DYRK4: variants seen among roughly 807,000 people sequenced by gnomAD.
DYRK4 encodes dual specificity tyrosine phosphorylation regulated kinase 4, also known as dual specificity tyrosine-phosphorylation-regulated kinase 4.
DYRK4 carries 64 observed loss-of-function variants against 68.3 expected under a neutral mutation model. The observed-to-expected ratio is 0.94, with a 90% CI of 0.77 to 1.15. The LOEUF is 1.15. Ranked by LOEUF, DYRK4 falls within the 50% of genes most tolerant of loss-of-function variation. DYRK4 has a pLI of 0.00. For missense variants in DYRK4, 740 were observed against 764.7 expected, an observed-to-expected ratio of 0.97 and a Z score of 0.38; for synonymous variants, 274 against 289.9, an observed-to-expected ratio of 0.95 and a Z score of 0.56.
chr12:4,611,438 C>T (rs1945219803), intron 13 of DYRK4, among the ~76,000 whole-genome samples: 1 of 152,206 alleles, frequency 6.6e-6, no homozygotes, highest in African/African-American at 2.4e-5. Context: ...ACTGATTACT[C>T]ATAACTTGCA....
chr12:4,570,535 G>A (rs182151953), intron 2 of DYRK4, among the ~76,000 whole-genome samples: 318 of 152,274 alleles, frequency 2.1e-3, no homozygotes, highest in Non-Finnish European at 3.7e-3. Context: ...GTGGACAGTT[G>A]TGATACTAAT....
intron 7 of DYRK4, 71 bp downstream of exon 7, chr12:4,596,356 C>G (rs1484458165): frequency 1.3e-6 from 2 of 1,598,402 alleles, no homozygotes; most frequent in East Asian, 4.5e-5. Context: ...AATGCCAGCC[C>G]TTCCTGACTG....
chr12:4,598,912 C>T, intron 8 of DYRK4, 116 bp from the exon 9 acceptor site: 2 of 1,224,168 alleles, frequency 1.6e-6, no homozygotes, highest in Non-Finnish European at 2.3e-6. Flanking sequence ...GCCTCCTGGC[C>T]TGAGGCTTGC....
At chr12:4,583,907 T>C (rs1310495731) in intron 2 of DYRK4, among the ~76,000 whole-genome samples, 1 of 152,164 alleles carries the variant, frequency 6.6e-6, no homozygotes, top group Non-Finnish European at 1.5e-5. Context: ...AATGATGGCA[T>C]GGACACTGAC....
chr12:4,596,589 G>A lies in DYRK4; in HGVS notation c.765G>A (p.Arg255=), dbSNP rs772561161. The A allele has an allele frequency of 5.6e-6, 9 of 1,613,498 alleles. No homozygotes were observed. The highest frequency in any genetic ancestry group is 1.3e-5 in the African/African-American group (1 of 74,934). The change falls in exon 8 of 15, where the codon AGG becomes AGA. Residue 255 remains arginine (R), a splice_region_variant and synonymous_variant. Coordinates refer to ENST00000543431, the MANE Select transcript of DYRK4 (RefSeq NM_001394779.1). ...TGCCGGCCACTCCCAATCACCTTAG[G>A]TTTCACCAGCAGGCCCTGATGGAGC... ...VALKIIRNKK[R]FHQQALMELK...
intron 8 of DYRK4, among the ~76,000 whole-genome samples, chr12:4,598,027 C>T (rs1180948060): frequency 6.6e-6 from 1 of 152,210 alleles, no homozygotes; most frequent in Non-Finnish European, 1.5e-5. Context: ...GATTGTGCCA[C>T]TGCACTCCAG....
At chr12:4,577,007 G>A (rs1944796197) in intron 2 of DYRK4, among the ~76,000 whole-genome samples, 1 of 152,096 alleles carries the variant, frequency 6.6e-6, no homozygotes, top group South Asian at 2.1e-4. Flanking sequence ...TAATTTTAAT[G>A]AAGCCCAGCG....
At chr12:4,566,250 TC>T (rs1392532346) in intron 1 of DYRK4, among the ~76,000 whole-genome samples, 1 of 152,198 alleles carries the variant, frequency 6.6e-6, no homozygotes, top group African/African-American at 2.4e-5. Context: ...AATCTGATCT[TC>T]AGCCCAGGTT....
chr12:4,599,804 G>A lies in DYRK4; in HGVS notation c.1126+16G>A, dbSNP rs762213242. On this transcript the variant is annotated intron_variant, in intron 10 of 14. Transcript: ENST00000543431. The stretch of plus-strand genomic sequence containing the variant: ...CACCAGAAAGGTGAGCCCCATGTCA[G>A]TCCCATCATCTGAGTTTTCCTATTG... 1.2e-6 allele frequency: 2 copies of A among 1,608,914 alleles called. No individual in the cohort carries two copies. Among genetic ancestry groups the A allele is most frequent in the Non-Finnish European group, 1.7e-6 (2 of 1,176,450 alleles).
chr12:4,585,368 C>T (rs1944885924), intron 2 of DYRK4, among the ~76,000 whole-genome samples: 1 of 151,914 alleles, frequency 6.6e-6, no homozygotes, highest in Non-Finnish European at 1.5e-5. Context: ...TTGCCTTCTC[C>T]TCCCTTGCAT....
At position 4,562,291 on chromosome 12, in the gene DYRK4, C is replaced by G; in HGVS notation, c.38+8C>G. 1 of 1,531,972 alleles carries G rather than the reference C, an allele frequency of 6.5e-7. No individual in the cohort carries two copies. Among genetic ancestry groups the G allele is most frequent in the Non-Finnish European group, 8.7e-7 (1 of 1,145,052 alleles). The allele number at this position is 1,531,972 out of a possible 1,614,324, so 94.9% of individuals were successfully genotyped here. The stretch of plus-strand genomic sequence containing the variant: ...TATCCGCACCGGAACAAAGTAAGGG[C>G]CGCGGAGGCTCGTACTTCACGAGCA... On this transcript the variant is annotated splice_region_variant and intron_variant, in intron 1 of 14. Coordinates refer to ENST00000543431, the MANE Select transcript of DYRK4 (RefSeq NM_001394779.1).
Position 4,569,673 on chromosome 12 carries a change from C to G in DYRK4, c.132+1625C>G, listed in dbSNP as rs183616375. On this transcript the variant is annotated intron_variant, in intron 2 of 14. Coordinates refer to ENST00000543431, the MANE Select transcript of DYRK4 (RefSeq NM_001394779.1). ...ACAGGGTCTCGCTATGTTGCCCAGG[C>G]TGGTCTCAAACTCCTGGGCTCCAGC... Among the ~76,000 whole-genome samples, 99 of 152,048 alleles carry G rather than the reference C, an allele frequency of 6.5e-4. No individual in the cohort carries two copies. In the East Asian group the frequency reaches 0.019, roughly 28 times the overall value.
chr12:4,568,260 T>G (rs1200814195), intron 2 of DYRK4, among the ~76,000 whole-genome samples: 1 of 152,242 alleles, frequency 6.6e-6, no homozygotes, highest in East Asian at 1.9e-4. Context: ...ACAGGTAAGC[T>G]GTATTCCAGA....
At chr12:4,581,688 A>G (rs1944843654) in intron 2 of DYRK4, among the ~76,000 whole-genome samples, 1 of 152,152 alleles carries the variant, frequency 6.6e-6, no homozygotes. Context: ...TGGACAGCCT[A>G]GAGTTGTCTC....
chr12:4,608,627 C>T (rs1215051012), intron 12 of DYRK4, among the ~76,000 whole-genome samples: 7 of 152,252 alleles, frequency 4.6e-5, no homozygotes, highest in Admixed American at 1.3e-4. Context: ...ACTCCTTAAA[C>T]TCTCCATGAT....
chr12:4,570,779 C>T (rs1222170213), intron 2 of DYRK4, among the ~76,000 whole-genome samples: 1 of 152,176 alleles, frequency 6.6e-6, no homozygotes, highest in East Asian at 1.9e-4. Context: ...GGTAACATTT[C>T]AGCCAAGGGA....
intron 10 of DYRK4, among the ~76,000 whole-genome samples, chr12:4,600,905 TC>T (rs1283671450): frequency 6.6e-6 from 1 of 152,084 alleles, no homozygotes; most frequent in Admixed American, 6.5e-5. Context: ...AAGTTTCTAA[TC>T]ATGGCTTAGT....
At chr12:4,576,954 T>A (rs1055320874) in intron 2 of DYRK4, among the ~76,000 whole-genome samples, 3 of 152,234 alleles carry the variant, frequency 2.0e-5, no homozygotes, top group African/African-American at 7.2e-5. Flanking sequence ...AGTCTATGGT[T>A]TCTCTTTTCG....
At chr12:4,581,024 C>T in intron 2 of DYRK4, 1 of 362,406 alleles carries the variant, frequency 2.8e-6, no homozygotes, top group South Asian at 2.1e-5. Context: ...TGAGCCAGTG[C>T]TTCTAGAGTT....
Sources: gnomAD v4.1 joint callset for allele counts (sites outside exome capture counted in the v4.1 genomes callset) on GRCh38, gnomAD v4.1.1 for gene constraint, MANE v1.5 for transcripts, NCBI Gene and HGNC (gene_info 2026-07-23, HGNC 2026-07-21) for gene names.